Variants in CACNB2 observed in about 807,000 individuals in gnomAD.
CACNB2 encodes voltage-dependent L-type calcium channel subunit beta-2.
In CACNB2, 42 loss-of-function variants were observed where a neutral mutation model predicts 73.3. The observed-to-expected ratio is 0.57, with a 90% confidence interval of 0.45 to 0.74. The LOEUF (loss-of-function observed/expected upper bound fraction) is 0.74, where lower values mean the gene tolerates loss of function less well. CACNB2 is among the 30% of genes least tolerant of loss of function. The probability of loss-of-function intolerance (pLI) is 0.00; values close to 1 mark genes in which losing one functional copy is unlikely to be tolerated. For synonymous variants in CACNB2, 348 were observed against 310.3 expected, an observed-to-expected ratio of 1.12 and a Z score of -1.28; for missense variants, 940 against 853.0, an observed-to-expected ratio of 1.10 and a Z score of -1.27.
intron 2 of CACNB2, among the ~76,000 whole-genome samples, chr10:18,344,773 A>G (rs1045186336): frequency 5.3e-5 from 8 of 152,254 alleles, no homozygotes; most frequent in Non-Finnish European, 1.2e-4. Context: ...CCGTCTCAAA[A>G]TAAAATAATA....
intron 10 of CACNB2, among the ~76,000 whole-genome samples, 186 bp from the exon 11 acceptor site, chr10:18,533,890 A>T (rs1404000287): frequency 6.6e-6 from 1 of 152,218 alleles, no homozygotes; most frequent in East Asian, 1.9e-4. Context: ...CTTAAATCCT[A>T]ATGATGTGTG....
chr10:18,538,142 G>A, intron 12 of CACNB2, 38 bp from the exon 13 acceptor site: 1 of 1,608,652 alleles, frequency 6.2e-7, no homozygotes, highest in Non-Finnish European at 8.5e-7. Context: ...TGAAAACTGG[G>A]CTGGCATCAA....
At chr10:18,330,635 T>G (rs1221718053) in intron 2 of CACNB2, among the ~76,000 whole-genome samples, 1 of 152,166 alleles carries the variant, frequency 6.6e-6, no homozygotes, top group Non-Finnish European at 1.5e-5. Context: ...AGCAAGACCC[T>G]GTCTCCAAAA....
At chr10:18,499,340 G>A (rs1188530872) in intron 4 of CACNB2, among the ~76,000 whole-genome samples, 1 of 152,140 alleles carries the variant, frequency 6.6e-6, no homozygotes, top group Non-Finnish European at 1.5e-5. Flanking sequence ...ACCTAGGGCT[G>A]GGCCCGGTGG....
intron 2 of CACNB2, among the ~76,000 whole-genome samples, chr10:18,171,949 C>G (rs1273563319): frequency 1.3e-5 from 2 of 152,078 alleles, no homozygotes; most frequent in Non-Finnish European, 2.9e-5. Context: ...TCTGTTTCTT[C>G]TCTGTGGAGC....
chr10:18,363,163 G>A (rs1018521846), intron 2 of CACNB2, among the ~76,000 whole-genome samples: 15 of 152,092 alleles, frequency 9.9e-5, no homozygotes, highest in Admixed American at 6.5e-4. Context: ...AGTAAAATAG[G>A]TTTCCTAAAT....
chr10:18,315,175 A>T (rs531353521), intron 2 of CACNB2, among the ~76,000 whole-genome samples: 17 of 151,984 alleles, frequency 1.1e-4, no homozygotes, highest in Non-Finnish European at 2.5e-4. Context: ...CTACTTTAAA[A>T]ATACAAAAAT....
chr10:18,365,912 A>G (rs1302610290), intron 2 of CACNB2, among the ~76,000 whole-genome samples: 1 of 152,196 alleles, frequency 6.6e-6, no homozygotes, highest in Non-Finnish European at 1.5e-5. Context: ...AGAATCTGTC[A>G]ATTTGGCCTG....
intron 2 of CACNB2, among the ~76,000 whole-genome samples, chr10:18,172,698 A>AT (rs2033326979): frequency 6.6e-6 from 1 of 151,940 alleles, no homozygotes; most frequent in African/African-American, 2.4e-5. Flanking sequence ...GCCTACACCT[A>AT]TTTTACTTTA....
intron 3 of CACNB2, among the ~76,000 whole-genome samples, chr10:18,444,556 G>A (rs1235035138): frequency 2.0e-5 from 3 of 152,104 alleles, no homozygotes; most frequent in Non-Finnish European, 4.4e-5. Flanking sequence ...GGGAGCAGTG[G>A]GGAGACTGTG....
chr10:18,142,593 G>A (rs528524128), intron 1 of CACNB2, among the ~76,000 whole-genome samples: 4 of 152,256 alleles, frequency 2.6e-5, no homozygotes, highest in Non-Finnish European at 4.4e-5. Context: ...TCTTCCTTGA[G>A]GGATATTTTA....
chr10:18,291,643 A>G (rs2039074848), intron 2 of CACNB2, among the ~76,000 whole-genome samples: 1 of 152,182 alleles, frequency 6.6e-6, no homozygotes, highest in South Asian at 2.1e-4. Flanking sequence ...TTGGGTAACA[A>G]AGACGTTTGG....
At chr10:18,455,065 G>C (rs12355645) in intron 3 of CACNB2, among the ~76,000 whole-genome samples, 38,234 of 150,578 alleles carry the variant, frequency 0.25, 5,952 homozygotes, top group Middle Eastern at 0.4. Context: ...AGTGGTATTC[G>C]TACTCATTGA....
intron 3 of CACNB2, among the ~76,000 whole-genome samples, chr10:18,459,327 A>C (rs1209701488): frequency 6.6e-6 from 1 of 152,090 alleles, no homozygotes. Context: ...AAATATCACT[A>C]TCCTTTGGAA....
intron 2 of CACNB2, among the ~76,000 whole-genome samples, chr10:18,393,187 T>TGAGAGAGTGA (rs2043561615): frequency 6.7e-6 from 1 of 150,342 alleles, no homozygotes; most frequent in African/African-American, 2.5e-5. Context: ...CCAGCCTGGA[T>TGAGAGAGTGA]GACTCCATGT....
At chr10:18,251,239 G>A (rs998740264) in intron 2 of CACNB2, among the ~76,000 whole-genome samples, 19 of 151,666 alleles carry the variant, frequency 1.3e-4, no homozygotes, top group Non-Finnish European at 5.9e-5. Context: ...CAAGTCTCTC[G>A]GCTCTTTTTT....
intron 1 of CACNB2, 171 bp downstream of exon 1, chr10:18,141,027 C>T: frequency 5.2e-6 from 8 of 1,540,264 alleles, no homozygotes; most frequent in South Asian, 1.2e-5. Flanking sequence ...CCCCTTTGCG[C>T]CTTTTCCTGG....
intron 10 of CACNB2, chr10:18,532,983 G>T (rs1589733891): frequency 6.6e-6 from 1 of 151,618 alleles, no homozygotes; most frequent in Non-Finnish European, 1.5e-5. Context: ...AAAAAAAAAA[G>T]GACTCAAGTC....
chr10:18,385,970 A>G (rs753441571), intron 2 of CACNB2, among the ~76,000 whole-genome samples: 1 of 152,202 alleles, frequency 6.6e-6, no homozygotes, highest in African/African-American at 2.4e-5. Context: ...ACATTTGTAT[A>G]TATCTATAAA....
Sources: gnomAD v4.1 joint callset for allele counts (sites outside exome capture counted in the v4.1 genomes callset) on GRCh38, gnomAD v4.1.1 for gene constraint, MANE v1.5 for transcripts, NCBI Gene and HGNC (gene_info 2026-07-23, HGNC 2026-07-21) for gene names.